Variants in LAMB1 observed in about 807,000 individuals in gnomAD.
LAMB1 encodes laminin subunit beta 1, also known as laminin subunit beta-1.
Under a neutral mutation model 222.3 loss-of-function variants are expected in LAMB1, and 121 were observed. The ratio of observed to expected loss-of-function variants is 0.54; its 90% CI spans 0.47 to 0.63. LAMB1 has a LOEUF of 0.63. Among genes scored for constraint, LAMB1 ranks in the 30% least tolerant of loss-of-function variants. The pLI is 0.00. For missense variants in LAMB1, 2,172 were observed against 2,240.8 expected, an observed-to-expected ratio of 0.97 and a Z score of 0.62; for synonymous variants, 794 against 807.2, an observed-to-expected ratio of 0.98 and a Z score of 0.28.
rs761628170 is a variant in LAMB1, at chr7:108,001,766, A to AG, written c.38-34_38-33insC. On this transcript the variant is annotated intron_variant, in intron 2 of 33. Transcript: ENST00000222399. ...AAGGACAGGCAACAGAGTTGGGGGG[A>AG]CACAAGCAGGGAGTGGAGCCCGAAA... 14 of 1,608,388 alleles carry AG rather than the reference A, an allele frequency of 8.7e-6. No homozygotes were observed. The East Asian group carries it at 2.9e-4, about 33-fold the overall frequency.
chr7:107,934,782 C>T (rs997319225), intron 27 of LAMB1, among the ~76,000 whole-genome samples: 1 of 151,800 alleles, frequency 6.6e-6, no homozygotes, highest in Non-Finnish European at 1.5e-5. Flanking sequence ...AAGGAATGTC[C>T]AAGCTGGGTG....
chr7:107,994,703 G>A (rs1156667910), intron 5 of LAMB1, among the ~76,000 whole-genome samples, 184 bp downstream of exon 5: 9 of 152,202 alleles, frequency 5.9e-5, no homozygotes, highest in Admixed American at 5.9e-4. Flanking sequence ...TTGTCATGAA[G>A]ATAGAGTATT....
chr7:107,929,273 C>T, intron 30 of LAMB1, 68 bp from the exon 31 acceptor site: 1 of 1,570,856 alleles, frequency 6.4e-7, no homozygotes, highest in Non-Finnish European at 8.7e-7. Flanking sequence ...GTGTTCTTTT[C>T]TTTAAAGAAT....
chr7:107,935,401 T>TCC lies in LAMB1; in HGVS notation c.4188+12_4188+13dup. On this transcript the variant is annotated intron_variant, in intron 27 of 33. Coordinates refer to ENST00000222399, the MANE Select transcript of LAMB1 (RefSeq NM_002291.3). The stretch of plus-strand genomic sequence containing the variant: ...TTGGCACCATAGCAGTAAGGCCACA[T>TCC]CCCCAAACCTTACCATTTCGGCAGC... 9.1e-7 allele frequency: 1 copy of TCC among 1,093,458 alleles called. No individual in the cohort carries two copies. Among genetic ancestry groups the TCC allele is most frequent in the African/African-American group, 1.8e-5 (1 of 55,472 alleles). The allele number at this position is 1,093,458 out of a possible 1,614,324, so 67.7% of individuals were successfully genotyped here. A position where few individuals can be genotyped will look rare whatever the true frequency, so the allele number is the denominator to read the frequency against.
chr7:107,933,184 C>T (rs927965468), intron 27 of LAMB1, among the ~76,000 whole-genome samples: 3 of 152,130 alleles, frequency 2.0e-5, no homozygotes, highest in Non-Finnish European at 4.4e-5. Flanking sequence ...AATTATAATA[C>T]AAGTGTGCTA....
chr7:107,994,822 T>G, intron 5 of LAMB1, 65 bp downstream of exon 5: 1 of 875,488 alleles, frequency 1.1e-6, no homozygotes. Context: ...CTGACATCCA[T>G]TTTGAAAGGG....
chr7:107,993,334 G>T lies in LAMB1; in HGVS notation c.423+1553C>A, dbSNP rs763779688. Among the ~76,000 whole-genome samples the T allele has an allele frequency of 2.0e-5, 3 of 151,942 alleles. No homozygotes were observed. In the East Asian group the frequency reaches 5.8e-4, roughly 29 times the overall value. On this transcript the variant is annotated intron_variant, in intron 5 of 33. Transcript: ENST00000222399. ...TTTTCAGTAGAGCCGGGGTTTCACC[G>T]TATTGGCCAGGCTGGTCTTGAACTC...
Position 107,951,499 on chromosome 7 carries a change from T to C in LAMB1, c.3295-177A>G, listed in dbSNP as rs2033249937. 2.0e-5 allele frequency among the ~76,000 whole-genome samples: 3 copies of C among 152,210 alleles called. No homozygotes were observed. In the South Asian group the frequency reaches 6.2e-4, roughly 31 times the overall value. ...AGGTGTCGAGAGCCCCATGCCAGCA[T>C]CTAAGTGCTCTTTTGCAACAGGGCT... On this transcript the variant is annotated intron_variant, in intron 23 of 33. Transcript: ENST00000222399.
intron 25 of LAMB1, among the ~76,000 whole-genome samples, 156 bp from the exon 26 acceptor site, chr7:107,937,433 T>C (rs1344966318): frequency 6.6e-6 from 1 of 152,262 alleles, no homozygotes; most frequent in African/African-American, 2.4e-5. Context: ...ATTTTCCTTA[T>C]AACAGATAGT....
chr7:107,960,585 A>G lies in LAMB1; in HGVS notation c.2174T>C (p.Val725Ala). The G allele has an allele frequency of 6.2e-7, 1 of 1,614,170 alleles. No homozygotes were observed. Among genetic ancestry groups the G allele is most frequent in the Non-Finnish European group, 8.5e-7 (1 of 1,179,982 alleles). ...GGTTTCCCAGGCACTGTTGGTGACC[A>G]CCCCATCTCCTGAACCTCCCACGGT... is the stretch of plus-strand genomic sequence containing the variant. Reference protein sequence around the residue: ...IFTVGGSGDGVVTNSAWETFQ... With the variant: ...IFTVGGSGDGAVTNSAWETFQ... The change falls in exon 18 of 34, where the codon GTG becomes GCG. Residue 725 changes from valine (V) to alanine (A), a missense_variant. Physicochemically the swap from Val to Ala is moderately conservative, Grantham distance 64. Coordinates refer to ENST00000222399, the MANE Select transcript of LAMB1 (RefSeq NM_002291.3).
chr7:107,958,163 AAAC>A (rs1432217718), intron 20 of LAMB1, among the ~76,000 whole-genome samples: 1 of 152,164 alleles, frequency 6.6e-6, no homozygotes, highest in Non-Finnish European at 1.5e-5. Context: ...CTCTTTGAAA[AAAC>A]AATAATGGAA....
chr7:107,945,665 C>T (rs1231957003), intron 24 of LAMB1, among the ~76,000 whole-genome samples: 2 of 152,236 alleles, frequency 1.3e-5, no homozygotes, highest in African/African-American at 4.8e-5. Context: ...TCTTTCCTCA[C>T]TTTGGGCAAG....
chr7:107,989,170 T>C (rs114446159), intron 5 of LAMB1, among the ~76,000 whole-genome samples: 99 of 152,232 alleles, frequency 6.5e-4, no homozygotes, highest in African/African-American at 2.4e-3. Context: ...TAGGAGGGTG[T>C]AGTGAACAGG....
intron 5 of LAMB1, among the ~76,000 whole-genome samples, chr7:107,986,645 C>A (rs889876104): frequency 6.6e-6 from 1 of 152,192 alleles, no homozygotes. Context: ...AAATAGCAAA[C>A]ACACTTTCGT....
At chr7:107,979,378 C>T (rs2033929191) in intron 8 of LAMB1, among the ~76,000 whole-genome samples, 1 of 152,164 alleles carries the variant, frequency 6.6e-6, no homozygotes, top group Non-Finnish European at 1.5e-5. Context: ...GAAAAGGCAA[C>T]AGCACATAAG....
In LAMB1 at chr7:107,962,896, T is replaced by G. The variant is rs1236436668; in HGVS notation, c.1857+9A>C. ...CCTCCTCCACCAGTCCACTAAGTGG[T>G]TTCTTTACCTGTGGCTCGTAGCGAA... On this transcript the variant is annotated intron_variant, in intron 15 of 33. Coordinates refer to ENST00000222399, the MANE Select transcript of LAMB1 (RefSeq NM_002291.3). 1 of 1,609,636 alleles carries G rather than the reference T, an allele frequency of 6.2e-7. No homozygotes were observed. Among genetic ancestry groups the G allele is most frequent in the African/African-American group, 1.3e-5 (1 of 74,870 alleles).
rs773474303 is a variant in LAMB1 at position 107,959,867 on chromosome 7, C to T, written c.2315-33G>A. ...TAAAGAGAGGCCAGAACCCATGACA[C>T]GGAGCAGCACATCATCGGGCTCTCC... On this transcript the variant is annotated intron_variant, in intron 18 of 33. Transcript: ENST00000222399. 7.8e-5 allele frequency: 125 copies of T among 1,601,262 alleles called. 1 individual carries two copies. Among genetic ancestry groups the T allele is most frequent in the Middle Eastern group, 3.3e-4 (2 of 6,060 alleles).
chr7:107,926,344 C>CTGTT lies in LAMB1; in HGVS notation c.4899_4902dup (p.Ala1635AsnfsTer5). The CTGTT allele has an allele frequency of 6.2e-7, 1 of 1,613,580 alleles. No homozygotes were observed. The highest frequency in any genetic ancestry group is 8.5e-7 in the Non-Finnish European group (1 of 1,179,632). On this transcript the variant is annotated frameshift_variant, in exon 32 of 34. Transcript: ENST00000222399. LOFTEE classifies it high-confidence loss of function. Reference sequence around the variant, plus strand: ...TTGAACAAGGTTTCCTCAGAAGCTGCTGTTTCAGACTCAATCTAAAAGCAT... The same window carrying CTGTT: ...TTGAACAAGGTTTCCTCAGAAGCTGCTGTTTGTTTCAGACTCAATCTAAAAGCAT...
rs1306144467 is a variant in LAMB1, at chr7:107,961,230, C to T, written c.2085G>A (p.Glu695=). The change falls in exon 17 of 34, where the codon GAG becomes GAA. Residue 695 remains glutamate (E), a synonymous_variant. Transcript: ENST00000222399. The part of the protein sequence containing the change: ...PQYTSSDSDV[E]SPYTLIDSLV... Reference sequence around the variant, plus strand: ...CAGAATCGATCAGCGTGTAGGGGCTCTCCACGTCGCTATCAGAGGAGGTGT... The same window carrying T: ...CAGAATCGATCAGCGTGTAGGGGCTTTCCACGTCGCTATCAGAGGAGGTGT... The T allele has an allele frequency of 1.2e-6, 2 of 1,613,898 alleles. No individual in the cohort carries two copies. Among genetic ancestry groups the T allele is most frequent in the African/African-American group, 2.7e-5 (2 of 74,860 alleles).
Sources: gnomAD v4.1 joint callset for allele counts (sites outside exome capture counted in the v4.1 genomes callset) on GRCh38, gnomAD v4.1.1 for gene constraint, MANE v1.5 for transcripts, NCBI Gene and HGNC (gene_info 2026-07-23, HGNC 2026-07-21) for gene names.